The following ACACA variants were observed in gnomAD, a reference collection of about 807,000 sequenced individuals.
ACACA encodes acetyl-CoA carboxylase alpha, also known as acetyl-CoA carboxylase 1.
A neutral mutation model predicts 296.1 loss-of-function variants in ACACA; 103 were observed. The observed-to-expected ratio is 0.35, with a 90% confidence interval of 0.30 to 0.41. The LOEUF is 0.41. Ranked by LOEUF, ACACA falls within the 10% of genes least tolerant of loss-of-function variation. The pLI is 1.00. For synonymous variants in ACACA, 953 were observed against 1,038.6 expected (o/e 0.92, Z 1.58); for missense variants, 1,554 against 2,989.7 (o/e 0.52, Z 11.20).
Position 37,150,932 on chromosome 17 carries a change from G to C in ACACA, c.5568+369C>G, listed in dbSNP as rs539461856. Among the ~76,000 whole-genome samples the C allele has an allele frequency of 4.6e-5, 7 of 151,568 alleles. No individual in the cohort carries two copies. In the East Asian group the frequency reaches 1.2e-3, roughly 26 times the overall value. On this transcript the variant is annotated intron_variant, in intron 44 of 55. Coordinates refer to ENST00000616317, the MANE Select transcript of ACACA (RefSeq NM_198834.3). ...CTGGGCATGGTGGCACTCGCCTGTA[G>C]TCCCAGCTACTCAGGAGGCTGAGGC...
chr17:37,213,062 A>G (rs1210348847), intron 29 of ACACA, among the ~76,000 whole-genome samples: 1 of 152,078 alleles, frequency 6.6e-6, no homozygotes. Context: ...TCATGCCTAT[A>G]ATTCCAGCGC....
chr17:37,240,352 T>C, intron 24 of ACACA, 124 bp downstream of exon 24: 1 of 784,710 alleles, frequency 1.3e-6, no homozygotes, highest in Non-Finnish European at 2.2e-6. Context: ...AGGAGACTGT[T>C]TATTAATGGG....
chr17:37,359,252 G>T (rs1597703254), intron 1 of ACACA: 1 of 655,904 alleles, frequency 1.5e-6, no homozygotes, highest in Non-Finnish European at 1.9e-6. Context: ...CTCCGACCCC[G>T]CTCCGGGCTG....
At chr17:37,092,215 G>T (rs891330969) in intron 54 of ACACA, among the ~76,000 whole-genome samples, 4 of 150,066 alleles carry the variant, frequency 2.7e-5, no homozygotes, top group Non-Finnish European at 5.9e-5. Flanking sequence ...AGCCCAGGAG[G>T]TTGAGGCTGA....
At position 37,198,413 on chromosome 17, in the gene ACACA, C is replaced by T. The variant is rs2078099111; in HGVS notation, c.4158+1726G>A. Among the ~76,000 whole-genome samples the T allele has an allele frequency of 2.0e-5, 3 of 152,168 alleles. No individual in the cohort carries two copies. In the South Asian group the frequency reaches 6.2e-4, roughly 32 times the overall value. On this transcript the variant is annotated intron_variant, in intron 35 of 55. Transcript: ENST00000616317. ...TAAAAAGCACAGTAACATTTAAGAACCTAGCACAATACTCTTCTAAAATCC... is the reference window on the plus strand; with the variant it reads ...TAAAAAGCACAGTAACATTTAAGAATCTAGCACAATACTCTTCTAAAATCC...
Position 37,099,065 on chromosome 17 carries a change from C to G in ACACA, c.6566-1081G>C, listed in dbSNP as rs550660576. On this transcript the variant is annotated intron_variant, in intron 52 of 55. Transcript: ENST00000616317. The stretch of plus-strand genomic sequence containing the variant: ...ATACATGAGCACAGGTGATAGGATG[C>G]AGAAGAGGAAGGTCTATTTCAAGCA... Among the ~76,000 whole-genome samples, 4 of 152,274 alleles carry G rather than the reference C, an allele frequency of 2.6e-5. No homozygotes were observed. In the East Asian group the frequency reaches 5.8e-4, roughly 22 times the overall value.
intron 14 of ACACA, 105 bp from the exon 15 acceptor site, chr17:37,253,141 T>C: frequency 2.6e-6 from 4 of 1,530,706 alleles, no homozygotes; most frequent in South Asian, 1.1e-5. Flanking sequence ...CCTGTAATCC[T>C]AACACTTTGG....
rs140365002 is a variant in ACACA, at chr17:37,377,659, CAATAAATAAATAAATAAATAAATA to C, written c.38+28579_38+28602del. ...TGGGCGACAGAGTGAGACTCCGTCT[CAATAAATAAATAAATAAATAAATA>C]AATAAATAAATAAATAAATAAAAGT... On this transcript the variant is annotated intron_variant, in intron 1 of 55. Transcript: ENST00000616317. Among the ~76,000 whole-genome samples the C allele has an allele frequency of 4.7e-3, 676 of 143,634 alleles. 6 individuals carry two copies. Among genetic ancestry groups the C allele is most frequent in the African/African-American group, 0.017 (641 of 38,780 alleles). The allele number at this position is 143,634 out of a possible 152,430, so 94.2% of individuals were successfully genotyped here.
intron 1 of ACACA, among the ~76,000 whole-genome samples, chr17:37,353,112 T>C (rs534639882): frequency 1.2e-4 from 18 of 152,324 alleles, no homozygotes; most frequent in Non-Finnish European, 1.8e-4. Flanking sequence ...AGTTATTGAA[T>C]TTTGAGATAG....
At position 37,086,372 on chromosome 17, in the gene ACACA, AAAAC is replaced by A. The variant is rs146529350; in HGVS notation, c.*940_*943del. 0.023 allele frequency: 3,448 copies of A among 152,508 alleles called. 67 individuals carry two copies. Among genetic ancestry groups the A allele is most frequent in the Non-Finnish European group, 0.037 (2,517 of 68,150 alleles). The allele number at this position is 152,508 out of a possible 1,614,324, so 9.4% of individuals were successfully genotyped here. On this transcript the variant is annotated 3_prime_UTR_variant, in exon 56 of 56. Transcript: ENST00000616317. Reference sequence around the variant, plus strand: ...CATAGGAACAACTTTCCAAGTCCTCAAAACAAACAGACTATCTATCTATCTCACT... The same window carrying A: ...CATAGGAACAACTTTCCAAGTCCTCAAAACAGACTATCTATCTATCTCACT...
At chr17:37,191,757 CCTGTGATTTTT>C (rs551887677) in intron 37 of ACACA, among the ~76,000 whole-genome samples, 154 of 152,150 alleles carry the variant, frequency 1.0e-3, no homozygotes, top group South Asian at 2.3e-3. Flanking sequence ...CCCAATTCTT[CCTGTGATTTTT>C]CTGTTTGTAT....
intron 30 of ACACA, among the ~76,000 whole-genome samples, chr17:37,208,611 G>C (rs1225830272): frequency 1.3e-5 from 2 of 152,202 alleles, no homozygotes; most frequent in Admixed American, 1.3e-4. Flanking sequence ...GTATGTGTAA[G>C]CATGACAAGC....
chr17:37,240,212 C>T (rs747854152), intron 24 of ACACA, among the ~76,000 whole-genome samples: 1 of 152,212 alleles, frequency 6.6e-6, no homozygotes, highest in Non-Finnish European at 1.5e-5. Flanking sequence ...GAATGGTAAT[C>T]TCTATTAGAA....
At chr17:37,378,753 C>A (rs1303815295) in intron 1 of ACACA, among the ~76,000 whole-genome samples, 1 of 151,750 alleles carries the variant, frequency 6.6e-6, no homozygotes, top group East Asian at 1.9e-4. Flanking sequence ...TGCACTCTAG[C>A]CTGGACCACA....
chr17:37,178,889 CT>C (rs1567770416), intron 41 of ACACA, among the ~76,000 whole-genome samples: 1 of 152,152 alleles, frequency 6.6e-6, no homozygotes, highest in Non-Finnish European at 1.5e-5. Context: ...TACCTATCAC[CT>C]AGCTTCAATG....
Position 37,263,698 on chromosome 17 carries a change from T to C in ACACA, c.1316A>G (p.Glu439Gly). ...TAATATATGTACCTGTTCCATGTGT[T>C]CAAATACTGCTGGAGTAGCAATAGT... Reference protein sequence around the residue: ...PATIATPAVFEHMEQCAVKLA... With the variant: ...PATIATPAVFGHMEQCAVKLA... Residue 439 changes from glutamate (E) to glycine (G), a missense_variant, in exon 11 of 56, where the codon GAA (glutamate) becomes GGA (glycine). This residue lies in a region of ACACA where 82 missense variants were observed against 185.2 expected (regional missense o/e 0.44). Transcript: ENST00000616317. 1 of 1,614,002 alleles carries C rather than the reference T, an allele frequency of 6.2e-7. No individual in the cohort carries two copies.
chr17:37,201,689 G>C (rs1351512585), intron 33 of ACACA, among the ~76,000 whole-genome samples: 2 of 152,118 alleles, frequency 1.3e-5, no homozygotes, highest in Non-Finnish European at 2.9e-5. Flanking sequence ...AGTACAAATA[G>C]AAAAGTAATG....
At chr17:37,345,049 C>G (rs1432889989) in intron 1 of ACACA, among the ~76,000 whole-genome samples, 12 of 152,144 alleles carry the variant, frequency 7.9e-5, no homozygotes, top group African/African-American at 2.9e-4. Flanking sequence ...GGTCCTCTTT[C>G]CCTAATCGTC....
chr17:37,383,551 C>A (rs745661537), intron 1 of ACACA, among the ~76,000 whole-genome samples: 4 of 152,140 alleles, frequency 2.6e-5, no homozygotes, highest in Middle Eastern at 3.4e-3. Context: ...TCCCAAAAAA[C>A]CTATTTATTT....
Sources: gnomAD v4.1 joint callset for allele counts (sites outside exome capture counted in the v4.1 genomes callset) on GRCh38, gnomAD v4.1.1 for gene constraint, gnomAD v4.1.1 regional missense constraint, MANE v1.5 for transcripts, NCBI Gene and HGNC (gene_info 2026-07-23, HGNC 2026-07-21) for gene names.